The following COL7A1 variants were observed in gnomAD, a reference collection of about 807,000 sequenced individuals.
The protein encoded by COL7A1 is collagen type VII alpha 1 chain.
A neutral mutation model predicts 456.2 loss-of-function variants in COL7A1; 296 were observed. The ratio of observed to expected loss-of-function variants is 0.65; its 90% CI spans 0.59 to 0.71. The LOEUF is 0.71. Among genes scored for constraint, COL7A1 ranks in the 30% least tolerant of loss-of-function variants. The pLI, the probability that COL7A1 is intolerant of heterozygous loss-of-function variation, is 0.00. For missense variants in COL7A1, 3,441 were observed against 4,017.2 expected, an observed-to-expected ratio of 0.86 and a Z score of 3.88; for synonymous variants, 1,464 against 1,525.9, an observed-to-expected ratio of 0.96 and a Z score of 0.95.
Position 48,592,337 on chromosome 3 carries a change from CAT to C in COL7A1, c.1093+12_1093+13del. On this transcript the variant is annotated intron_variant, in intron 9 of 118. Coordinates refer to ENST00000681320, the MANE Select transcript of COL7A1 (RefSeq NM_000094.4). This position sits in a 1 kb window ranked among gnomAD's most constrained non-coding sequence, Gnocchi z 7.6. ...AGGCGCGGGGACTCCCCTCAGCCCA[CAT>C]CTCTCACTCACCACTGAGGACCCGC... is the stretch of plus-strand genomic sequence containing the variant. 6.2e-7 allele frequency: 1 copy of C among 1,613,504 alleles called. No homozygotes were observed. Among genetic ancestry groups the C allele is most frequent in the South Asian group, 1.1e-5 (1 of 91,086 alleles).
rs2043778611 is a variant in COL7A1 at position 48,569,536 on chromosome 3, CCA to C, written c.7614+54_7614+55del. On this transcript the variant is annotated intron_variant, in intron 102 of 118. Transcript: ENST00000681320. This position sits in a 1 kb window ranked among gnomAD's most constrained non-coding sequence, Gnocchi z 4.9. ...AGCTCTCAGATGCCCTGGGCCAGCCCCACGGGGTCCCTCTCGCACCCAGGGGA... is the reference window on the plus strand; with the variant it reads ...AGCTCTCAGATGCCCTGGGCCAGCCCCGGGGTCCCTCTCGCACCCAGGGGA... 6.2e-7 allele frequency: 1 copy of C among 1,613,300 alleles called. No individual in the cohort carries two copies. Among genetic ancestry groups the C allele is most frequent in the East Asian group, 2.2e-5 (1 of 44,846 alleles).
rs867867420 is a variant in COL7A1 at position 48,576,697 on chromosome 3, C to T, written c.5679G>A (p.Gly1893=). The change falls in exon 68 of 119, where the codon GGG becomes GGA. Residue 1893 remains glycine, a synonymous_variant. Transcript: ENST00000681320. ...TCACCTGGCCAGGAGGGCCCACTGG[C>T]CCTGGGAGGCCTGGAGGCCCCTGGG... ...LGPQGPPGLP[G]PVGPPGQGFP... 1.9e-6 allele frequency: 3 copies of T among 1,607,906 alleles called. No individual in the cohort carries two copies. Among genetic ancestry groups the T allele is most frequent in the African/African-American group, 1.3e-5 (1 of 74,848 alleles).
chr3:48,593,244 A>G lies in COL7A1; in HGVS notation c.540T>C (p.Pro180=), dbSNP rs1473537751. 1.1e-5 allele frequency: 17 copies of G among 1,614,024 alleles called. No homozygotes were observed. The highest frequency in any genetic ancestry group is 1.0e-4 in the Admixed American group (6 of 59,998). ...LFAVGIKNAD[P]EELKRVASQP... ...GTGAGGCAACTCGCTTCAGCTCCTCAGGGTCAGCATTCTTGATCCCTGAAG... is the reference window on the plus strand; with the variant it reads ...GTGAGGCAACTCGCTTCAGCTCCTCGGGGTCAGCATTCTTGATCCCTGAAG... The change falls in exon 6 of 119, where the codon CCT becomes CCC. Residue 180 remains proline, a synonymous_variant. Coordinates refer to ENST00000681320, the MANE Select transcript of COL7A1 (RefSeq NM_000094.4). The surrounding 1 kb of genome is among the most constrained non-coding windows in gnomAD (Gnocchi z 4.4).
chr3:48,583,279 C>A lies in COL7A1; in HGVS notation c.4438-108G>T. On this transcript the variant is annotated intron_variant, in intron 42 of 118. Coordinates refer to ENST00000681320, the MANE Select transcript of COL7A1 (RefSeq NM_000094.4). The surrounding 1 kb of genome is among the most constrained non-coding windows in gnomAD (Gnocchi z 5.1). ...CAAACTCCAACCACCCCCTCCAAAACCACGACCTCTGACCTGGAGGGAACT... is the reference window on the plus strand; with the variant it reads ...CAAACTCCAACCACCCCCTCCAAAAACACGACCTCTGACCTGGAGGGAACT... 1 of 1,605,426 alleles carries A rather than the reference C, an allele frequency of 6.2e-7. No homozygotes were observed. The highest frequency in any genetic ancestry group is 8.5e-7 in the Non-Finnish European group (1 of 1,174,390).
rs2044141936 is a variant in COL7A1, at chr3:48,574,331, T to C, written c.6457-25A>G. 1.9e-6 allele frequency: 3 copies of C among 1,613,932 alleles called. No homozygotes were observed. The highest frequency in any genetic ancestry group is 2.7e-5 in the African/African-American group (2 of 74,864). On this transcript the variant is annotated intron_variant, in intron 79 of 118. Transcript: ENST00000681320. The surrounding 1 kb of genome is among the most constrained non-coding windows in gnomAD (Gnocchi z 5.0). Reference sequence around the variant, plus strand: ...CCTGCAGAGAATAGGTTTAAGGCCTTAGTTTCCCAGTTCCAACTTCCCCTC... The same window carrying C: ...CCTGCAGAGAATAGGTTTAAGGCCTCAGTTTCCCAGTTCCAACTTCCCCTC...
rs1290918196 is a variant in COL7A1, at chr3:48,580,569, G to T, written c.5052+12C>A. The T allele has an allele frequency of 6.2e-7, 1 of 1,613,178 alleles. No homozygotes were observed. ...TTAAGGTTGGGGTGAGGAGTCATAG[G>T]CTGGGACTCACATTTCGTCCATCCT... On this transcript the variant is annotated intron_variant, in intron 55 of 118. Transcript: ENST00000681320. The surrounding 1 kb of genome is among the most constrained non-coding windows in gnomAD (Gnocchi z 4.5).
rs1575497038 is a variant in COL7A1, at chr3:48,594,261, T to C, written c.266+107A>G. The C allele has an allele frequency of 7.3e-6, 10 of 1,368,936 alleles. No individual in the cohort carries two copies. In the East Asian group the frequency reaches 2.3e-4, roughly 31 times the overall value. The allele number at this position is 1,368,936 out of a possible 1,614,324, so 84.8% of individuals were successfully genotyped here. On this transcript the variant is annotated intron_variant, in intron 3 of 118. Coordinates refer to ENST00000681320, the MANE Select transcript of COL7A1 (RefSeq NM_000094.4). This position sits in a 1 kb window ranked among gnomAD's most constrained non-coding sequence, Gnocchi z 5.5. ...AGGGGGTCTCTAGGTTCCCCAAAAC[T>C]TGTTTCTGCAAAGACCTGGCCTGGG...
Position 48,572,228 on chromosome 3 carries a change from G to A in COL7A1, c.6979-57C>T, listed in dbSNP as rs753283851. 1.7e-5 allele frequency: 28 copies of A among 1,612,946 alleles called. No individual in the cohort carries two copies. The highest frequency in any genetic ancestry group is 5.5e-5 in the South Asian group (5 of 91,046). On this transcript the variant is annotated intron_variant, in intron 90 of 118. Coordinates refer to ENST00000681320, the MANE Select transcript of COL7A1 (RefSeq NM_000094.4). This position sits in a 1 kb window ranked among gnomAD's most constrained non-coding sequence, Gnocchi z 4.6. ...ATCAGTCACAGAAAGATGAGACTCCGGAGGGAGGCATGGGGCCAGAGCTTA... is the reference window on the plus strand; with the variant it reads ...ATCAGTCACAGAAAGATGAGACTCCAGAGGGAGGCATGGGGCCAGAGCTTA...
chr3:48,587,168 C>A lies in COL7A1; in HGVS notation c.3139+22G>T, dbSNP rs1468048976. 6.2e-7 allele frequency: 1 copy of A among 1,613,566 alleles called. No individual in the cohort carries two copies. Among genetic ancestry groups the A allele is most frequent in the Non-Finnish European group, 8.5e-7 (1 of 1,179,932 alleles). On this transcript the variant is annotated intron_variant, in intron 24 of 118. Transcript: ENST00000681320. This position sits in a 1 kb window ranked among gnomAD's most constrained non-coding sequence, Gnocchi z 6.1. Reference sequence around the variant, plus strand: ...GCCCACCCAGACACACCTTTCTGCCCTTCCCACTACGCCCACTATACCTGG... The same window carrying A: ...GCCCACCCAGACACACCTTTCTGCCATTCCCACTACGCCCACTATACCTGG...
At position 48,570,172 on chromosome 3, in the gene COL7A1, C is replaced by A; in HGVS notation, c.7447G>T (p.Asp2483Tyr). 6.2e-7 allele frequency: 1 copy of A among 1,614,178 alleles called. No individual in the cohort carries two copies. The highest frequency in any genetic ancestry group is 1.3e-5 in the African/African-American group (1 of 75,054). ...ERGEPGIRGE[D>Y]GRPGQEGPRG... Reference sequence around the variant, plus strand: ...GGTCCCTCCTGGCCGGGGCGGCCATCTTCACCCTGGATGGTGACATTAGGT... The same window carrying A: ...GGTCCCTCCTGGCCGGGGCGGCCATATTCACCCTGGATGGTGACATTAGGT... Residue 2483 changes from aspartate (D) to tyrosine (Y), a missense_variant, in exon 99 of 119, where the codon GAT becomes TAT. Around this residue, in one of 3 missense-constraint regions of COL7A1, gnomAD observed 2,084 missense variants for 2,501.3 expected, o/e 0.83. Transcript: ENST00000681320. The surrounding 1 kb of genome is among the most constrained non-coding windows in gnomAD (Gnocchi z 5.5).
In COL7A1 at chr3:48,564,190, C is replaced by G. The variant is rs1803298; in HGVS notation, c.*216G>C. 7.1e-3 allele frequency: 4,610 copies of G among 645,270 alleles called. 31 individuals carry two copies. The highest frequency in any genetic ancestry group is 9.7e-3 in the Non-Finnish European group (3,445 of 355,762). The allele number at this position is 645,270 out of a possible 1,614,324, so 40.0% of individuals were successfully genotyped here. ...CGCTCACTGCCCACAGCCACCCCCC[C>G]ACAGTGAGTCATCTGCCAGGGTGGC... On this transcript the variant is annotated 3_prime_UTR_variant, in exon 119 of 119. Transcript: ENST00000681320. This position sits in a 1 kb window ranked among gnomAD's most constrained non-coding sequence, Gnocchi z 6.0.
At position 48,586,617 on chromosome 3, in the gene COL7A1, T is replaced by C; in HGVS notation, c.3349A>G (p.Ile1117Val). The C allele has an allele frequency of 1.2e-6, 2 of 1,613,672 alleles. No individual in the cohort carries two copies. Among genetic ancestry groups the C allele is most frequent in the Non-Finnish European group, 1.7e-6 (2 of 1,180,016 alleles). ...GGCATGTCACGGATCCTTTGCAAGA[T>C]AATGCCAAGGTCATGGGAGCCATTC... ...PLNGSHDLGI[I>V]LQRIRDMPYM... Residue 1117 changes from isoleucine (I) to valine (V), a missense_variant, in exon 26 of 119, where the codon ATC becomes GTC. Ile to Val is a conservative substitution (Grantham distance 29, BLOSUM62 3). Around this residue, in one of 3 missense-constraint regions of COL7A1, gnomAD observed 444 missense variants for 427.6 expected, o/e 1.04. Coordinates refer to ENST00000681320, the MANE Select transcript of COL7A1 (RefSeq NM_000094.4). This position sits in a 1 kb window ranked among gnomAD's most constrained non-coding sequence, Gnocchi z 5.1.
chr3:48,592,643 G>C lies in COL7A1; in HGVS notation c.903C>G (p.Thr301=). ...SVRLRGLRPL[T]EYQVTVIALY... ...GGGCAATCACAGTCACTTGGTACTC[G>C]GTCAGTGGCCGGAGACCCCGCAGCC... Residue 301 remains threonine (T), a synonymous_variant, in exon 8 of 119, where the codon ACC becomes ACG. Transcript: ENST00000681320. This position sits in a 1 kb window ranked among gnomAD's most constrained non-coding sequence, Gnocchi z 7.6. 6.2e-7 allele frequency: 1 copy of C among 1,613,938 alleles called. No homozygotes were observed. The highest frequency in any genetic ancestry group is 8.5e-7 in the Non-Finnish European group (1 of 1,180,026).
At position 48,572,927 on chromosome 3, in the gene COL7A1, G is replaced by T; in HGVS notation, c.6766C>A (p.Pro2256Thr). The change falls in exon 87 of 119, where the codon CCG becomes ACG. Residue 2256 changes from proline to threonine, a missense_variant. This residue lies in a region of COL7A1 where 2,084 missense variants were observed against 2,501.3 expected (regional missense o/e 0.83). Transcript: ENST00000681320. The surrounding 1 kb of genome is among the most constrained non-coding windows in gnomAD (Gnocchi z 4.6). ...GCACCATCTCGACCTGGGGCTCCCG[G>T]CTTCCCTGTCTCCCCCTGAGAGGGA... ...LPGQVGETGKPGAPGRDGASG... is the reference protein window; with the variant it reads ...LPGQVGETGKTGAPGRDGASG... 6.2e-7 allele frequency: 1 copy of T among 1,613,946 alleles called. No homozygotes were observed. Among genetic ancestry groups the T allele is most frequent in the Non-Finnish European group, 8.5e-7 (1 of 1,180,000 alleles).
Position 48,566,971 on chromosome 3 carries a change from G to T in COL7A1, c.8162C>A (p.Ala2721Asp). The change falls in exon 111 of 119, where the codon GCT (alanine) becomes GAT (aspartate). Residue 2721 changes from alanine (A) to aspartate (D), a missense_variant. Physicochemically the swap from Ala to Asp is moderately radical, Grantham distance 126. Around this residue, in one of 3 missense-constraint regions of COL7A1, gnomAD observed 2,084 missense variants for 2,501.3 expected, o/e 0.83. Coordinates refer to ENST00000681320, the MANE Select transcript of COL7A1 (RefSeq NM_000094.4). This position sits in a 1 kb window ranked among gnomAD's most constrained non-coding sequence, Gnocchi z 5.9. Reference sequence around the variant, plus strand: ...ACTGCCAGGTGGCCCTGGGGGACCAGCAGAGCCATCATTTCCACTGGGGCC... The same window carrying T: ...ACTGCCAGGTGGCCCTGGGGGACCATCAGAGCCATCATTTCCACTGGGGCC... ...FPGPSGNDGS[A>D]GPPGPPGSVG... 6.2e-7 allele frequency: 1 copy of T among 1,611,968 alleles called. No homozygotes were observed. Among genetic ancestry groups the T allele is most frequent in the Non-Finnish European group, 8.5e-7 (1 of 1,178,434 alleles).
intron 44 of COL7A1, 124 bp from the exon 45 acceptor site, chr3:48,582,777 G>C: frequency 1.7e-6 from 2 of 1,189,542 alleles, no homozygotes; most frequent in Non-Finnish European, 2.4e-6. Context: ...GGTTGGCAGG[G>C]GTAAGACTTG....
rs901569688 is a variant in COL7A1, at chr3:48,567,701, C to T, written c.7983+9G>A. ...GTGGCCCCCTCATTCTGAGCGTGCC[C>T]ACACTCACCATCTCTCCTTTGTGTC... On this transcript the variant is annotated intron_variant, in intron 108 of 118. Transcript: ENST00000681320. This position sits in a 1 kb window ranked among gnomAD's most constrained non-coding sequence, Gnocchi z 4.3. The T allele has an allele frequency of 3.1e-6, 5 of 1,613,968 alleles. No homozygotes were observed. The African/African-American group carries it at 6.7e-5, about 22-fold the overall frequency.
At position 48,571,955 on chromosome 3, in the gene COL7A1, C is replaced by G; in HGVS notation, c.7068+46G>C. 1 of 1,605,516 alleles carries G rather than the reference C, an allele frequency of 6.2e-7. No homozygotes were observed. Among genetic ancestry groups the G allele is most frequent in the Non-Finnish European group, 8.5e-7 (1 of 1,176,362 alleles). On this transcript the variant is annotated intron_variant, in intron 92 of 118. Transcript: ENST00000681320. This position sits in a 1 kb window ranked among gnomAD's most constrained non-coding sequence, Gnocchi z 4.6. The stretch of plus-strand genomic sequence containing the variant: ...AAGAGTGGCCCCTTATGCCCGCCAT[C>G]ACACTCCTCAGGCCAGGCTCGCCCT...
rs2045581923 is a variant in COL7A1 at position 48,590,081 on chromosome 3, G to A, written c.2050+132C>T. 1.0e-6 allele frequency: 1 copy of A among 994,130 alleles called. No individual in the cohort carries two copies. Among genetic ancestry groups the A allele is most frequent in the Non-Finnish European group, 1.5e-6 (1 of 673,786 alleles). 61.6% of individuals were successfully genotyped at this position (994,130 alleles called of 1,614,324 possible). Reference sequence around the variant, plus strand: ...AAACTGAAGAGGAAGCAGCGTCTCTGAGGGAGGAGGGAGTGGGATTCTGAA... The same window carrying A: ...AAACTGAAGAGGAAGCAGCGTCTCTAAGGGAGGAGGGAGTGGGATTCTGAA... On this transcript the variant is annotated intron_variant, in intron 16 of 118. Coordinates refer to ENST00000681320, the MANE Select transcript of COL7A1 (RefSeq NM_000094.4). This position sits in a 1 kb window ranked among gnomAD's most constrained non-coding sequence, Gnocchi z 4.6.
Sources: gnomAD v4.1 joint callset for allele counts on GRCh38, gnomAD v4.1.1 for gene constraint, gnomAD v4.1.1 regional missense constraint, Gnocchi (gnomAD v3.1) non-coding constraint, MANE v1.5 for transcripts, NCBI Gene and HGNC (gene_info 2026-07-23, HGNC 2026-07-21) for gene names.